Variants in PKIB observed in about 807,000 individuals in gnomAD.
The protein encoded by PKIB is PKI-beta.
Under a neutral mutation model 4.5 loss-of-function variants are expected in PKIB, and 2 were observed. That is an observed-to-expected ratio of 0.44 (90% CI 0.18 to 1.39). The LOEUF (loss-of-function observed/expected upper bound fraction) is 1.39. Ranked by LOEUF, PKIB falls within the 40% of genes most tolerant of loss-of-function variation. The pLI, the probability that PKIB is intolerant of heterozygous loss-of-function variation, is 0.27. For missense variants in PKIB, 94 were observed against 92.6 expected, an observed-to-expected ratio of 1.02 and a Z score of -0.06; for synonymous variants, 38 against 36.0, an observed-to-expected ratio of 1.06 and a Z score of -0.20.
chr6:122,542,825 G>A (rs1419164832), intron 2 of PKIB, among the ~76,000 whole-genome samples: 1 of 152,128 alleles, frequency 6.6e-6, no homozygotes, highest in Non-Finnish European at 1.5e-5. Context: ...GGTGGAGCCT[G>A]CAGAGACAGG....
At chr6:122,575,869 G>A (rs1048390776) in intron 2 of PKIB, among the ~76,000 whole-genome samples, 5 of 152,050 alleles carry the variant, frequency 3.3e-5, no homozygotes, top group Non-Finnish European at 7.4e-5. Flanking sequence ...GAACTTATCC[G>A]TGTAAGCAAA....
At chr6:122,653,869 A>G (rs778816397) in intron 2 of PKIB, among the ~76,000 whole-genome samples, 7 of 152,080 alleles carry the variant, frequency 4.6e-5, no homozygotes, top group Non-Finnish European at 7.4e-5. Context: ...GAGGCAGGAG[A>G]ATGGCTTGAA....
At chr6:122,605,607 C>G (rs1270440174), upstream of PKIB, among the ~76,000 whole-genome samples, 2 of 152,034 alleles carry the variant, frequency 1.3e-5, no homozygotes, top group Non-Finnish European at 2.9e-5. Context: ...TATGGTCATC[C>G]TGTAGACTCT....
intron 1 of PKIB, among the ~76,000 whole-genome samples, chr6:122,473,533 G>A (rs935186969): frequency 2.6e-5 from 4 of 152,084 alleles, no homozygotes; most frequent in East Asian, 1.9e-4. Flanking sequence ...TAGGCTATGT[G>A]GAGTGGAATT....
intron 3 of PKIB, among the ~76,000 whole-genome samples, chr6:122,603,406 A>G (rs1265136677): frequency 6.6e-6 from 1 of 152,176 alleles, no homozygotes; most frequent in Non-Finnish European, 1.5e-5. Context: ...ATCTAACCCA[A>G]TCTTAGATTT....
chr6:122,564,776 G>A (rs1262719246), intron 2 of PKIB, among the ~76,000 whole-genome samples: 1 of 151,768 alleles, frequency 6.6e-6, no homozygotes, highest in South Asian at 2.1e-4. Context: ...CTTTTTTGGT[G>A]GCTGCTGTAG....
At chr6:122,473,953 C>T (rs917839839) in intron 1 of PKIB, among the ~76,000 whole-genome samples, 3 of 152,070 alleles carry the variant, frequency 2.0e-5, no homozygotes, top group Non-Finnish European at 2.9e-5. Context: ...GCCAACATGG[C>T]GAAAACCTGT....
chr6:122,715,732 CCT>C (rs1379563915), intron 3 of PKIB, among the ~76,000 whole-genome samples: 22 of 151,284 alleles, frequency 1.5e-4, no homozygotes, highest in African/African-American at 2.4e-4. Context: ...TATTTTTCCC[CCT>C]GTTTTCTCTA....
intron 3 of PKIB, among the ~76,000 whole-genome samples, chr6:122,592,218 G>A (rs72962486): frequency 0.03 from 4,493 of 151,656 alleles, 98 homozygotes; most frequent in Middle Eastern, 0.099. Context: ...AAGCTGGCAG[G>A]GCATCATTTA....
At chr6:122,604,495 A>T (rs1022345807) in intron 3 of PKIB, among the ~76,000 whole-genome samples, 1 of 152,194 alleles carries the variant, frequency 6.6e-6, no homozygotes, top group Non-Finnish European at 1.5e-5. Flanking sequence ...TGAAAATTAG[A>T]AAAAAAGAGG....
rs142041574 is a variant in PKIB, at chr6:122,516,446, G to A, written c.-248+38507G>A. Among the ~76,000 whole-genome samples, 4 of 152,254 alleles carry A rather than the reference G, an allele frequency of 2.6e-5. No individual in the cohort carries two copies. In the East Asian group the frequency reaches 5.8e-4, roughly 22 times the overall value. ...ATCACTAATGCTCAGTCACTTGTTC[G>A]AGTTCTTGCCTTCAACTTCCAAGAC... On this transcript the variant is annotated intron_variant, in intron 2 of 6. Transcript: ENST00000392491.
intron 3 of PKIB, among the ~76,000 whole-genome samples, chr6:122,597,675 G>A (rs1172335533): frequency 1.3e-5 from 2 of 152,164 alleles, no homozygotes; most frequent in African/African-American, 2.4e-5. Flanking sequence ...TATTGCTTTT[G>A]ATTTACTATT....
Position 122,680,269 on chromosome 6 carries a change from A to G in PKIB, c.-9+5125A>G, listed in dbSNP as rs971710348. On this transcript the variant is annotated intron_variant, in intron 3 of 4. Coordinates refer to ENST00000368452, the MANE Select transcript of PKIB (RefSeq NM_181795.3). The stretch of plus-strand genomic sequence containing the variant: ...GGTTCAAAAAAGTATGGATTGCCAT[A>G]TAGAAATATGATTAGACAAAATTGA... 6.6e-5 allele frequency among the ~76,000 whole-genome samples: 10 copies of G among 152,236 alleles called. No homozygotes were observed. The South Asian group carries it at 8.3e-4, about 13-fold the overall frequency.
chr6:122,557,065 A>G (rs1187412065), intron 2 of PKIB, among the ~76,000 whole-genome samples: 1 of 152,132 alleles, frequency 6.6e-6, no homozygotes, highest in Non-Finnish European at 1.5e-5. Flanking sequence ...AATACAAAAG[A>G]AATAGCCAGG....
intron 2 of PKIB, among the ~76,000 whole-genome samples, chr6:122,633,973 T>TC (rs1448427109): frequency 6.6e-6 from 1 of 151,860 alleles, no homozygotes; most frequent in Admixed American, 6.6e-5. Flanking sequence ...TATCTATCTA[T>TC]CCATCTATCT....
At chr6:122,531,874 G>T (rs2114618402) in intron 2 of PKIB, among the ~76,000 whole-genome samples, 1 of 152,306 alleles carries the variant, frequency 6.6e-6, no homozygotes, top group South Asian at 2.1e-4. Context: ...CTTAATAATT[G>T]TTGAATGAAT....
intron 2 of PKIB, among the ~76,000 whole-genome samples, chr6:122,555,559 A>G (rs150335944): frequency 6.6e-6 from 1 of 152,208 alleles, no homozygotes; most frequent in Non-Finnish European, 1.5e-5. Context: ...TCAAGGAAAA[A>G]AATAGAAGAT....
intron 2 of PKIB, among the ~76,000 whole-genome samples, chr6:122,563,459 C>G (rs767416357): frequency 6.6e-6 from 1 of 152,058 alleles, no homozygotes; most frequent in African/African-American, 2.4e-5. Flanking sequence ...GGTGGTGGCG[C>G]TTTCCAGAAA....
intron 3 of PKIB, among the ~76,000 whole-genome samples, chr6:122,591,723 T>C (rs2114725674): frequency 6.6e-6 from 1 of 152,096 alleles, no homozygotes; most frequent in South Asian, 2.1e-4. Flanking sequence ...ATTATTTTTA[T>C]TTTTTTGAGA....
Sources: allele counts gnomAD v4.1 joint callset (sites outside exome capture counted in the v4.1 genomes callset), GRCh38; gene constraint gnomAD v4.1.1; transcripts MANE v1.5; gene names NCBI Gene and HGNC (gene_info 2026-07-23, HGNC 2026-07-21).